PTPRG: variants seen among roughly 807,000 people sequenced by gnomAD.
PTPRG encodes the protein receptor-type tyrosine-protein phosphatase gamma.
In PTPRG, 102 loss-of-function variants were observed where a neutral mutation model predicts 165.3. The observed-to-expected ratio is 0.62, with a 90% CI of 0.53 to 0.73. PTPRG has a LOEUF of 0.73. Among genes scored for constraint, PTPRG ranks in the 30% least tolerant of loss-of-function variants. PTPRG has a pLI of 0.00. For synonymous variants in PTPRG, 675 were observed against 669.5 expected (o/e 1.01, Z -0.13); for missense variants, 1,866 against 1,861.4 (o/e 1.00, Z -0.05).
intron 28 of PTPRG, 124 bp from the exon 29 acceptor site, chr3:62,292,297 G>C: frequency 9.4e-7 from 1 of 1,066,226 alleles, no homozygotes; most frequent in Non-Finnish European, 1.3e-6. Context: ...ATTCAGTCGT[G>C]TCTTTAGAGT....
chr3:61,875,331 TG>T (rs774402825), intron 2 of PTPRG, among the ~76,000 whole-genome samples: 9 of 152,154 alleles, frequency 5.9e-5, no homozygotes, highest in Non-Finnish European at 1.3e-4. Context: ...TGGTGCTGCC[TG>T]GGGATGGTGT....
At chr3:62,057,124 T>G in intron 4 of PTPRG, among the ~76,000 whole-genome samples, 1 of 152,220 alleles carries the variant, frequency 6.6e-6, no homozygotes, top group Non-Finnish European at 1.5e-5. Context: ...ATGTTTTGAC[T>G]TAACTATTTT....
chr3:62,049,984 T>C (rs965978715), intron 4 of PTPRG, among the ~76,000 whole-genome samples: 17 of 152,234 alleles, frequency 1.1e-4, no homozygotes, highest in Non-Finnish European at 2.1e-4. Flanking sequence ...AGGAAATTCT[T>C]AAAGCTACCA....
At chr3:61,910,971 AT>A (rs2038788343) in intron 2 of PTPRG, among the ~76,000 whole-genome samples, 1 of 152,126 alleles carries the variant, frequency 6.6e-6, no homozygotes, top group African/African-American at 2.4e-5. Context: ...CCTCTGCCTT[AT>A]TCTTCCAGCA....
At chr3:61,594,531 A>C (rs1700646783) in intron 1 of PTPRG, among the ~76,000 whole-genome samples, 1 of 151,602 alleles carries the variant, frequency 6.6e-6, no homozygotes, top group Non-Finnish European at 1.5e-5. Context: ...TTGGAGGAGC[A>C]CCCCCCATCT....
chr3:61,961,758 C>T (rs557596343), intron 2 of PTPRG, among the ~76,000 whole-genome samples: 2 of 152,286 alleles, frequency 1.3e-5, no homozygotes, highest in African/African-American at 4.8e-5. Context: ...GTCCCTGGGA[C>T]TAACAGCATC....
At chr3:62,287,790 C>T (rs9828874) in intron 28 of PTPRG, among the ~76,000 whole-genome samples, 5,911 of 152,122 alleles carry the variant, frequency 0.039, 383 homozygotes, top group African/African-American at 0.13. Context: ...TAGAGAAGTT[C>T]GCACCCAAGA....
At chr3:62,061,028 T>G (rs1030255383) in intron 4 of PTPRG, among the ~76,000 whole-genome samples, 1 of 152,368 alleles carries the variant, frequency 6.6e-6, no homozygotes, top group Admixed American at 6.5e-5. Flanking sequence ...TGTATCCTTC[T>G]GCTATTATAA....
In PTPRG at chr3:61,650,296, G is replaced by A. The variant is rs983508757; in HGVS notation, c.85+87924G>A. 1.8e-4 allele frequency among the ~76,000 whole-genome samples: 27 copies of A among 152,306 alleles called. 1 individual carries two copies. The highest frequency in any genetic ancestry group is 1.4e-3 in the Admixed American group (22 of 15,296). ...GATCCTAAAAATGTTGAATGCCAGC[G>A]AGGTATTACAGAATCTACCATTGCC... On this transcript the variant is annotated intron_variant, in intron 1 of 29. Coordinates refer to ENST00000474889, the MANE Select transcript of PTPRG (RefSeq NM_002841.4).
chr3:61,968,511 A>G (rs2040319677), intron 2 of PTPRG, among the ~76,000 whole-genome samples: 1 of 152,208 alleles, frequency 6.6e-6, no homozygotes, highest in Non-Finnish European at 1.5e-5. Context: ...TAAAGTTTTA[A>G]TATATATTGT....
intron 1 of PTPRG, among the ~76,000 whole-genome samples, chr3:61,653,158 G>A (rs997327302): frequency 6.6e-6 from 1 of 151,864 alleles, no homozygotes; most frequent in African/African-American, 2.4e-5. Context: ...GTGACTTAAT[G>A]TCACTACATC....
At chr3:61,635,287 TATC>T (rs962286383) in intron 1 of PTPRG, among the ~76,000 whole-genome samples, 11 of 151,100 alleles carry the variant, frequency 7.3e-5, no homozygotes, top group African/African-American at 2.7e-4. Flanking sequence ...AGAAAGGCCT[TATC>T]ATTATGCTGT....
rs566911170 is a variant in PTPRG, at chr3:61,646,689, A to G, written c.85+84317A>G. Among the ~76,000 whole-genome samples the G allele has an allele frequency of 4.9e-4, 75 of 152,296 alleles. 5 individuals are homozygous for G. The South Asian group carries it at 0.016, about 32-fold the overall frequency. ...GTTTGTGGTGTGTATGTGTATGTAT[A>G]GTTTTATGCATTTTTTTCATATGTG... is the stretch of plus-strand genomic sequence containing the variant. On this transcript the variant is annotated intron_variant, in intron 1 of 29. Coordinates refer to ENST00000474889, the MANE Select transcript of PTPRG (RefSeq NM_002841.4).
chr3:62,157,907 T>C (rs904781814), intron 7 of PTPRG, among the ~76,000 whole-genome samples: 4 of 149,242 alleles, frequency 2.7e-5, no homozygotes, highest in Admixed American at 2.6e-4. Context: ...AACACAAACA[T>C]AGAGAGATGG....
intron 2 of PTPRG, among the ~76,000 whole-genome samples, chr3:61,973,662 T>G (rs906013850): frequency 4.0e-5 from 6 of 151,874 alleles, no homozygotes; most frequent in African/African-American, 1.2e-4. Context: ...TGAAACCTCA[T>G]CTCTACTAAA....
chr3:61,629,101 G>T (rs1032559064), intron 1 of PTPRG, among the ~76,000 whole-genome samples: 4 of 152,136 alleles, frequency 2.6e-5, no homozygotes, highest in Admixed American at 2.0e-4. Flanking sequence ...AGGCATTTGT[G>T]CCTTCAAGCA....
intron 1 of PTPRG, among the ~76,000 whole-genome samples, chr3:61,580,896 T>G (rs1271862825): frequency 2.0e-5 from 3 of 152,196 alleles, no homozygotes; most frequent in Non-Finnish European, 4.4e-5. Context: ...TACTGTGTGA[T>G]TTGTACTGGT....
At chr3:61,572,417 G>T (rs375449032) in intron 1 of PTPRG, among the ~76,000 whole-genome samples, 1 of 152,174 alleles carries the variant, frequency 6.6e-6, no homozygotes, top group Non-Finnish European at 1.5e-5. Context: ...GAGAAACGAA[G>T]CTCGTTCTGG....
chr3:62,280,552 A>G (rs967734457), intron 26 of PTPRG, among the ~76,000 whole-genome samples: 2 of 152,076 alleles, frequency 1.3e-5, no homozygotes, highest in South Asian at 4.1e-4. Context: ...ATTAAAAACA[A>G]TCAAAAGATA....
Sources: allele counts gnomAD v4.1 joint callset (sites outside exome capture counted in the v4.1 genomes callset), GRCh38; gene constraint gnomAD v4.1.1; transcripts MANE v1.5; gene names NCBI Gene and HGNC (gene_info 2026-07-23, HGNC 2026-07-21).